DENND5B: variants seen among roughly 807,000 people sequenced by gnomAD.
DENND5B encodes the protein DENN domain-containing protein 5B.
DENND5B carries 34 observed loss-of-function variants against 140.6 expected under a neutral mutation model. The observed-to-expected ratio is 0.24, with a 90% CI of 0.18 to 0.32. The LOEUF (loss-of-function observed/expected upper bound fraction) is 0.32. Among genes scored for constraint, DENND5B ranks in the 10% least tolerant of loss-of-function variants. The pLI is 1.00. For missense variants in DENND5B, 1,142 were observed against 1,560.2 expected (o/e 0.73, Z 4.52); for synonymous variants, 551 against 562.1 (o/e 0.98, Z 0.28).
chr12:31,528,161 G>GT (rs1948152213), intron 1 of DENND5B, among the ~76,000 whole-genome samples: 1 of 152,204 alleles, frequency 6.6e-6, no homozygotes, highest in African/African-American at 2.4e-5. Context: ...TCAGAAATCA[G>GT]TATTACTGGT....
intron 1 of DENND5B, among the ~76,000 whole-genome samples, chr12:31,588,161 C>T (rs1265266928): frequency 6.6e-6 from 1 of 152,190 alleles, no homozygotes; most frequent in Non-Finnish European, 1.5e-5. Flanking sequence ...TCAGGGTCTT[C>T]GCACTTGCTG....
chr12:31,403,714 G>C (rs1409405261), intron 14 of DENND5B, among the ~76,000 whole-genome samples: 1 of 151,254 alleles, frequency 6.6e-6, no homozygotes, highest in Non-Finnish European at 1.5e-5. Context: ...TGACCAACAC[G>C]GTGAAACCCC....
At chr12:31,538,806 T>C (rs1592005844) in intron 1 of DENND5B, among the ~76,000 whole-genome samples, 1 of 151,586 alleles carries the variant, frequency 6.6e-6, no homozygotes, top group Non-Finnish European at 1.5e-5. Context: ...GAGGTGGAGG[T>C]TGTAGTGAGC....
chr12:31,398,846 G>T (rs550453394), intron 16 of DENND5B, among the ~76,000 whole-genome samples: 167 of 152,068 alleles, frequency 1.1e-3, no homozygotes, highest in Non-Finnish European at 1.5e-3. Flanking sequence ...TTGAGGCTGG[G>T]CATGGTGGCT....
At chr12:31,583,506 G>A (rs547642343) in intron 1 of DENND5B, among the ~76,000 whole-genome samples, 4 of 151,106 alleles carry the variant, frequency 2.6e-5, no homozygotes, top group South Asian at 4.2e-4. Flanking sequence ...ATGAAACTCC[G>A]TCTCTACCAA....
At chr12:31,423,230 C>T (rs970225654) in intron 11 of DENND5B, among the ~76,000 whole-genome samples, 2 of 151,862 alleles carry the variant, frequency 1.3e-5, no homozygotes, top group Admixed American at 6.6e-5. Context: ...TGTGAGCCAC[C>T]GTGCCTAGCA....
intron 1 of DENND5B, among the ~76,000 whole-genome samples, chr12:31,502,186 A>T (rs1947032516): frequency 6.6e-6 from 1 of 151,876 alleles, no homozygotes; most frequent in Non-Finnish European, 1.5e-5. Context: ...GTGGTGGCAC[A>T]CACCTGTAGT....
chr12:31,456,915 C>A (rs540861321), intron 4 of DENND5B, among the ~76,000 whole-genome samples: 5 of 152,196 alleles, frequency 3.3e-5, no homozygotes, highest in Admixed American at 2.6e-4. Context: ...TCCATCTCTA[C>A]AAATAATAAT....
intron 1 of DENND5B, among the ~76,000 whole-genome samples, chr12:31,524,318 T>A (rs1948008826): frequency 6.6e-6 from 1 of 151,912 alleles, no homozygotes; most frequent in Non-Finnish European, 1.5e-5. Flanking sequence ...CTTAAGAGAG[T>A]CCTGGAAGCT....
intron 3 of DENND5B, among the ~76,000 whole-genome samples, chr12:31,474,586 T>A (rs182360372): frequency 1.3e-5 from 2 of 152,350 alleles, no homozygotes; most frequent in African/African-American, 4.8e-5. Flanking sequence ...TAGAAGGACA[T>A]TTTCATCACT....
At chr12:31,538,972 GA>G (rs1270903742) in intron 1 of DENND5B, among the ~76,000 whole-genome samples, 14 of 131,030 alleles carry the variant, frequency 1.1e-4, no homozygotes, top group African/African-American at 1.7e-4. Flanking sequence ...TTTTTTTTTT[GA>G]AAAAAAAAAT....
intron 20 of DENND5B, among the ~76,000 whole-genome samples, 192 bp downstream of exon 20, chr12:31,389,132 G>T (rs1024575023): frequency 7.9e-5 from 12 of 152,178 alleles, no homozygotes; most frequent in African/African-American, 2.9e-4. Flanking sequence ...AGGAGGCAGA[G>T]GTTGCAGTGA....
At chr12:31,434,201 C>A (rs1943640224) in intron 7 of DENND5B, among the ~76,000 whole-genome samples, 1 of 152,074 alleles carries the variant, frequency 6.6e-6, no homozygotes, top group Non-Finnish European at 1.5e-5. Flanking sequence ...TAAAATAAAA[C>A]CTGAGCTCTT....
chr12:31,538,475 C>CA (rs1481979039), intron 1 of DENND5B, among the ~76,000 whole-genome samples: 2 of 151,468 alleles, frequency 1.3e-5, no homozygotes, highest in Non-Finnish European at 2.9e-5. Context: ...GTGCCTACAT[C>CA]AAAAAAGAAA....
chr12:31,465,217 G>A (rs1945204444), intron 3 of DENND5B: 1 of 152,292 alleles, frequency 6.6e-6, no homozygotes, highest in Admixed American at 6.5e-5. Flanking sequence ...GAGCCATGGT[G>A]GTGCAGACCA....
intron 11 of DENND5B, among the ~76,000 whole-genome samples, chr12:31,415,901 T>A (rs1307223843): frequency 6.6e-6 from 1 of 152,056 alleles, no homozygotes; most frequent in Non-Finnish European, 1.5e-5. Context: ...AATGGCACGA[T>A]CTCAGCTCAC....
rs548035522 is a variant in DENND5B, at chr12:31,575,094, T to C, written c.127+15612A>G. ...TGAAATCCTGACAAAAGTTTATTTA[T>C]TAAGAAAATACATACACTTGAGACA... On this transcript the variant is annotated intron_variant, in intron 1 of 20. Transcript: ENST00000389082. 5.0e-4 allele frequency among the ~76,000 whole-genome samples: 76 copies of C among 152,326 alleles called. 1 individual carries two copies. Among genetic ancestry groups the C allele is most frequent in the Non-Finnish European group, 9.8e-4 (67 of 68,028 alleles).
chr12:31,397,271 G>A (rs1408697492), intron 17 of DENND5B, among the ~76,000 whole-genome samples: 3 of 151,982 alleles, frequency 2.0e-5, no homozygotes, highest in Non-Finnish European at 2.9e-5. Context: ...ACACTGGGGC[G>A]GGCGTGGTGG....
At chr12:31,459,746 G>A (rs193263011) in intron 4 of DENND5B, among the ~76,000 whole-genome samples, 1 of 152,290 alleles carries the variant, frequency 6.6e-6, no homozygotes, top group East Asian at 1.9e-4. Context: ...GAATACTGAA[G>A]TGTTTGATAT....
Sources: gnomAD v4.1 joint callset for allele counts (sites outside exome capture counted in the v4.1 genomes callset) on GRCh38, gnomAD v4.1.1 for gene constraint, MANE v1.5 for transcripts, NCBI Gene and HGNC (gene_info 2026-07-23, HGNC 2026-07-21) for gene names.